NSD2: variants seen among roughly 807,000 people sequenced by gnomAD.
NSD2 encodes the protein nuclear receptor binding SET domain protein 2.
NSD2 carries 12 observed loss-of-function variants against 139.0 expected under a neutral mutation model. The ratio of observed to expected loss-of-function variants is 0.09; its 90% CI spans 0.06 to 0.14. The LOEUF is 0.14. Among genes scored for constraint, NSD2 ranks in the 10% least tolerant of loss-of-function variants. The pLI is 1.00. For synonymous variants in NSD2, 669 were observed against 648.7 expected, an observed-to-expected ratio of 1.03 and a Z score of -0.48; for missense variants, 1,155 against 1,745.0, an observed-to-expected ratio of 0.66 and a Z score of 6.02.
intron 7 of NSD2, among the ~76,000 whole-genome samples, chr4:1,938,170 G>A (rs905350548): frequency 6.6e-6 from 1 of 152,102 alleles, no homozygotes; most frequent in Non-Finnish European, 1.5e-5. Flanking sequence ...CACCCACCTC[G>A]CCCTCCTGAC....
rs763368806 is a variant in NSD2 at position 1,978,807 on chromosome 4, G to A, written c.3996G>A (p.Ser1332=). The change falls in exon 22 of 22, where the codon TCG becomes TCA. Residue 1332 remains serine, a synonymous_variant. Coordinates refer to ENST00000508803, the MANE Select transcript of NSD2 (RefSeq NM_001042424.3). The part of the protein sequence containing the change: ...YCCEHDLGAA[S]VRSTKTEKPP... ...GTGAGCATGACTTAGGGGCGGCATC[G>A]GTCAGAAGCACCAAGACTGAGAAGC... 3.7e-6 allele frequency: 6 copies of A among 1,611,964 alleles called. No individual in the cohort carries two copies. The highest frequency in any genetic ancestry group is 1.7e-5 in the Admixed American group (1 of 59,904).
chr4:1,945,373 G>A (rs1190705078), intron 9 of NSD2: 8 of 1,064,378 alleles, frequency 7.5e-6, no homozygotes, highest in Non-Finnish European at 9.1e-6. Context: ...CCCTGGCCCT[G>A]GCCTTGCTTG....
chr4:1,938,336 G>A (rs1378325662), intron 7 of NSD2, 115 bp from the exon 8 acceptor site: 11 of 904,068 alleles, frequency 1.2e-5, no homozygotes, highest in Non-Finnish European at 1.7e-5. Context: ...ATTCACATGA[G>A]GAGATTTTTT....
chr4:1,881,887 CA>C (rs1685134990), intron 1 of NSD2, among the ~76,000 whole-genome samples: 1 of 152,088 alleles, frequency 6.6e-6, no homozygotes, highest in Admixed American at 6.5e-5. Context: ...GTGTTGGCTC[CA>C]TGAGGGTGGG....
Position 1,974,667 on chromosome 4 carries a change from G to A in NSD2, c.3373-196G>A, listed in dbSNP as rs767449236. 1 of 824,336 alleles carries A rather than the reference G, an allele frequency of 1.2e-6. No homozygotes were observed. Among genetic ancestry groups the A allele is most frequent in the East Asian group, 2.5e-5 (1 of 40,384 alleles). 51.1% of individuals were successfully genotyped at this position (824,336 alleles called of 1,614,324 possible). On this transcript the variant is annotated intron_variant, in intron 18 of 21. Coordinates refer to ENST00000508803, the MANE Select transcript of NSD2 (RefSeq NM_001042424.3). This position sits in a 1 kb window ranked among gnomAD's most constrained non-coding sequence, Gnocchi z 4.0. ...ACTAAGGCTCGGTCCTCTCCACGTG[G>A]TCCTGACCTGTCCTCTGTGAGCAAG... is the stretch of plus-strand genomic sequence containing the variant.
At chr4:1,927,251 C>T (rs1447027017) in intron 5 of NSD2, among the ~76,000 whole-genome samples, 1 of 152,152 alleles carries the variant, frequency 6.6e-6, no homozygotes, top group African/African-American at 2.4e-5. Flanking sequence ...TTATGCCCTA[C>T]ACTTGGAGTC....
chr4:1,952,739 G>T, intron 11 of NSD2: 1 of 1,082,368 alleles, frequency 9.2e-7, no homozygotes, highest in Non-Finnish European at 1.1e-6. Flanking sequence ...CTGCCTCCAT[G>T]TTACTGCATC....
intron 5 of NSD2, among the ~76,000 whole-genome samples, chr4:1,927,166 G>T (rs910981998): frequency 6.6e-6 from 1 of 152,184 alleles, no homozygotes; most frequent in Non-Finnish European, 1.5e-5. Context: ...AGGGCTGCTG[G>T]TGTGTCCTCA....
intron 3 of NSD2, among the ~76,000 whole-genome samples, chr4:1,914,662 A>G (rs1719123239): frequency 6.6e-6 from 1 of 152,132 alleles, no homozygotes. Flanking sequence ...CACTTGATTG[A>G]TGGTTTGACT....
Position 1,939,697 on chromosome 4 carries a change from A to C in NSD2, c.1800A>C (p.Arg600=). The C allele has an allele frequency of 6.2e-7, 1 of 1,614,254 alleles. No individual in the cohort carries two copies. Among genetic ancestry groups the C allele is most frequent in the Admixed American group, 1.7e-5 (1 of 60,026 alleles). The part of the protein sequence containing the change: ...LSDACKPLKK[R]NRASTAASSA... ...ATGCATGTAAACCACTGAAGAAGCG[A>C]AATCGGGCTTCCACGGCAGCATCTT... Residue 600 remains arginine, a synonymous_variant, in exon 9 of 22, where the codon CGA becomes CGC. Coordinates refer to ENST00000508803, the MANE Select transcript of NSD2 (RefSeq NM_001042424.3).
rs1727566081 is a variant in NSD2, at chr4:1,979,733, T to A, written c.*824T>A. The stretch of plus-strand genomic sequence containing the variant: ...ACTTTGTATATTTTTTTCATTTGGC[T>A]TTTCTTTACCAGTTTCTGATTTTTA... On this transcript the variant is annotated 3_prime_UTR_variant, in exon 22 of 22. Transcript: ENST00000508803. 4.3e-6 allele frequency: 1 copy of A among 232,228 alleles called. No homozygotes were observed. Among genetic ancestry groups the A allele is most frequent in the Non-Finnish European group, 8.5e-6 (1 of 117,470 alleles). 14.4% of individuals were successfully genotyped at this position (232,228 alleles called of 1,614,324 possible).
In NSD2 at chr4:1,974,377, A is replaced by AT. The variant is rs994964878; in HGVS notation, c.3373-478dup. Reference sequence around the variant, plus strand: ...AGGCAGCCACCACCACGCCCAGCTAATTTTTTTTGTATTTTTAGTAGAGAT... The same window carrying AT: ...AGGCAGCCACCACCACGCCCAGCTAATTTTTTTTTGTATTTTTAGTAGAGAT... On this transcript the variant is annotated intron_variant, in intron 18 of 21. Coordinates refer to ENST00000508803, the MANE Select transcript of NSD2 (RefSeq NM_001042424.3). This position sits in a 1 kb window ranked among gnomAD's most constrained non-coding sequence, Gnocchi z 4.0. 1.3e-5 allele frequency among the ~76,000 whole-genome samples: 2 copies of AT among 151,640 alleles called. No homozygotes were observed. Among genetic ancestry groups the AT allele is most frequent in the South Asian group, 2.1e-4 (1 of 4,790 alleles).
intron 1 of NSD2, among the ~76,000 whole-genome samples, chr4:1,881,148 T>C (rs1714664930): frequency 1.3e-5 from 2 of 152,284 alleles, no homozygotes; most frequent in South Asian, 2.1e-4. Context: ...GTTCTAACTT[T>C]TTTTTGAGAT....
chr4:1,948,775 CTT>C lies in NSD2; in HGVS notation c.1882-2293_1882-2292del, dbSNP rs1231778808. 6.7e-6 allele frequency: 7 copies of C among 1,041,868 alleles called. No individual in the cohort carries two copies. Among genetic ancestry groups the C allele is most frequent in the Non-Finnish European group, 6.9e-6 (6 of 863,558 alleles). 64.5% of individuals were successfully genotyped at this position (1,041,868 alleles called of 1,614,324 possible). A position where few individuals can be genotyped will look rare whatever the true frequency, so the allele number is the denominator to read the frequency against. ...ATCTCTCCAAGTGGAAACGTGCTAACTTTTTCTGTAAATCTGAAATAAAAGGT... is the reference window on the plus strand; with the variant it reads ...ATCTCTCCAAGTGGAAACGTGCTAACTTTCTGTAAATCTGAAATAAAAGGT... On this transcript the variant is annotated intron_variant, in intron 9 of 21. Transcript: ENST00000508803. This position sits in a 1 kb window ranked among gnomAD's most constrained non-coding sequence, Gnocchi z 4.5.
intron 9 of NSD2, chr4:1,946,140 T>TTA: frequency 9.7e-7 from 1 of 1,027,360 alleles, no homozygotes; most frequent in Non-Finnish European, 1.2e-6. Flanking sequence ...TAAAGCTAAA[T>TTA]TATAGTCTTT....
chr4:1,876,201 A>G (rs1036681441), intron 1 of NSD2, among the ~76,000 whole-genome samples: 2 of 152,068 alleles, frequency 1.3e-5, no homozygotes, highest in African/African-American at 4.8e-5. Flanking sequence ...TTGACAGAGC[A>G]AGACCCCTGT....
rs1727785974 is a variant in NSD2 at position 1,981,763 on chromosome 4, G to A, written c.*2854G>A. ...TCTTCCAGGACTACCTTATTTTCCA[G>A]AATTAAACCTGTTTTATAATTCAAG... On this transcript the variant is annotated 3_prime_UTR_variant, in exon 22 of 22. Transcript: ENST00000508803. 2.5e-6 allele frequency: 1 copy of A among 397,982 alleles called. No homozygotes were observed. Among genetic ancestry groups the A allele is most frequent in the Non-Finnish European group, 4.4e-6 (1 of 225,870 alleles). The allele number at this position is 397,982 out of a possible 1,614,324, so 24.7% of individuals were successfully genotyped here.
chr4:1,916,193 C>T (rs1325734425), intron 3 of NSD2, among the ~76,000 whole-genome samples: 2 of 152,136 alleles, frequency 1.3e-5, no homozygotes, highest in African/African-American at 4.8e-5. Context: ...GGGATTTGAA[C>T]CCAGGTTGTG....
intron 1 of NSD2, among the ~76,000 whole-genome samples, chr4:1,896,399 C>T (rs747222716): frequency 9.9e-5 from 15 of 152,232 alleles, no homozygotes; most frequent in Non-Finnish European, 2.1e-4. Context: ...TGTAGCTAGA[C>T]AAGGTCTTGC....
Sources: gnomAD v4.1 joint callset for allele counts (sites outside exome capture counted in the v4.1 genomes callset) on GRCh38, gnomAD v4.1.1 for gene constraint, Gnocchi (gnomAD v3.1) non-coding constraint, MANE v1.5 for transcripts, NCBI Gene and HGNC (gene_info 2026-07-23, HGNC 2026-07-21) for gene names.